FAM220A: variants seen among roughly 807,000 people sequenced by gnomAD.
The protein encoded by FAM220A is family with sequence similarity 220 member A, also known as protein FAM220A.
For missense variants in FAM220A, 392 were observed against 321.6 expected, an observed-to-expected ratio of 1.22 and a Z score of -1.68; for synonymous variants, 141 against 130.7, an observed-to-expected ratio of 1.08 and a Z score of -0.54.
intron 1 of FAM220A, among the ~76,000 whole-genome samples, chr7:6,345,390 T>C (rs1033988395): frequency 5.3e-5 from 8 of 152,006 alleles, no homozygotes; most frequent in Admixed American, 2.0e-4. Context: ...GCTGGGATTA[T>C]AGGCATGAGC....
At chr7:6,337,901 T>C (rs1310794895) in intron 1 of FAM220A, among the ~76,000 whole-genome samples, 1 of 151,544 alleles carries the variant, frequency 6.6e-6, no homozygotes, top group Non-Finnish European at 1.5e-5. Context: ...CCTCCCAGGT[T>C]CAAGCAATTC....
At chr7:6,348,454 G>GC (rs778979856) in intron 1 of FAM220A, 119 bp downstream of exon 1, 18 of 397,640 alleles carry the variant, frequency 4.5e-5, no homozygotes, top group Non-Finnish European at 7.5e-5. Flanking sequence ...ACGGGAAAAT[G>GC]CACGGTGCTT....
Position 6,334,429 on chromosome 7 carries a change from G to A in FAM220A, c.-81-3194C>T, listed in dbSNP as rs557288950. ...AGCATGCCTGTAGTCCCTGCTACTC[G>A]GGAGGGTGAGGCAGGAGAACAGCTT... On this transcript the variant is annotated intron_variant, in intron 1 of 1. Coordinates refer to ENST00000313324, the MANE Select transcript of FAM220A (RefSeq NM_001037163.2). 1.1e-4 allele frequency among the ~76,000 whole-genome samples: 16 copies of A among 151,792 alleles called. No homozygotes were observed. The South Asian group carries it at 1.2e-3, about 12-fold the overall frequency.
At chr7:6,346,234 C>T (rs755269454) in intron 1 of FAM220A, among the ~76,000 whole-genome samples, 28 of 152,148 alleles carry the variant, frequency 1.8e-4, no homozygotes, top group Non-Finnish European at 3.5e-4. Flanking sequence ...GACACAGGAG[C>T]ACCCTTCACT....
At position 6,348,496 on chromosome 7, in the gene FAM220A, T is replaced by C. The variant is rs567200409; in HGVS notation, c.-82+77A>G. 92 of 410,238 alleles carry C rather than the reference T, an allele frequency of 2.2e-4. 1 individual carries two copies. The South Asian group carries it at 7.3e-3, about 32-fold the overall frequency. 25.4% of individuals were successfully genotyped at this position (410,238 alleles called of 1,614,324 possible). A position where few individuals can be genotyped will look rare whatever the true frequency, so the allele number is the denominator to read the frequency against. ...CACTCAGCTTCTAGGCAGTGGCAGC[T>C]GCCGTGGCGTCTGCATCCCGCGGGC... is the stretch of plus-strand genomic sequence containing the variant. On this transcript the variant is annotated intron_variant, in intron 1 of 1. Transcript: ENST00000313324.
intron 1 of FAM220A, among the ~76,000 whole-genome samples, chr7:6,333,844 T>TC (rs1781689563): frequency 6.8e-6 from 1 of 146,548 alleles, no homozygotes; most frequent in African/African-American, 2.5e-5. Context: ...TGGCCTCTTT[T>TC]TTTTTTTTTT....
chr7:6,334,046 C>T (rs1306423154), intron 1 of FAM220A, among the ~76,000 whole-genome samples: 1 of 150,884 alleles, frequency 6.6e-6, no homozygotes, highest in African/African-American at 2.4e-5. Context: ...TGGGGTTTCA[C>T]CATGTTAGCC....
intron 1 of FAM220A, among the ~76,000 whole-genome samples, chr7:6,340,408 G>C (rs1366666183): frequency 2.6e-5 from 4 of 152,176 alleles, no homozygotes; most frequent in Non-Finnish European, 5.9e-5. Flanking sequence ...TGTGTGTACA[G>C]ACACAGCCCC....
rs756102302 is a variant in FAM220A at position 6,330,512 on chromosome 7, G to C, written c.643C>G (p.Arg215Gly). The C allele has an allele frequency of 1.4e-5, 22 of 1,613,986 alleles. 1 individual carries two copies. In the African/African-American group the frequency reaches 2.1e-4, roughly 16 times the overall value. ...TGCTTTGAAAACATGGGCTTTAAAC[G>C]GTCAAGGAAAATGCGTTTTGTCTCC... ...SEETKRIFLDRLKPMFSKQTI... is the reference protein window; with the variant it reads ...SEETKRIFLDGLKPMFSKQTI... The change falls in exon 2 of 2, where the codon CGT becomes GGT. Residue 215 changes from arginine to glycine, a missense_variant. By Grantham distance (125) the Arg-to-Gly change is moderately radical. Coordinates refer to ENST00000313324, the MANE Select transcript of FAM220A (RefSeq NM_001037163.2).
Position 6,330,413 on chromosome 7 carries a change from G to A in FAM220A, c.742C>T (p.Gln248Ter). Residue 248 changes from glutamine (Q) to a stop codon, truncating the protein, a stop_gained, in exon 2 of 2, where the codon CAA becomes TAA. Coordinates refer to ENST00000313324, the MANE Select transcript of FAM220A (RefSeq NM_001037163.2). LOFTEE classifies it low-confidence loss of function (END_TRUNC). Reference protein sequence around the residue: ...LQITLGLLALQPFELANTLCH... With the variant: ...LQITLGLLAL ...AATGTATTTGCTAATTCAAAAGGTTGCAGAGCCAGTAACCCCAGTGTTATC... is the reference window on the plus strand; with the variant it reads ...AATGTATTTGCTAATTCAAAAGGTTACAGAGCCAGTAACCCCAGTGTTATC... 1 of 1,613,946 alleles carries A rather than the reference G, an allele frequency of 6.2e-7. No individual in the cohort carries two copies. Among genetic ancestry groups the A allele is most frequent in the Non-Finnish European group, 8.5e-7 (1 of 1,179,982 alleles).
At chr7:6,342,218 T>C (rs1249592727) in intron 1 of FAM220A, among the ~76,000 whole-genome samples, 1 of 152,034 alleles carries the variant, frequency 6.6e-6, no homozygotes, top group Non-Finnish European at 1.5e-5. Context: ...GTTTCTTACT[T>C]TCTCTTTCTC....
chr7:6,348,411 C>A (rs1037613199), intron 1 of FAM220A, among the ~76,000 whole-genome samples, 162 bp downstream of exon 1: 3 of 152,168 alleles, frequency 2.0e-5, no homozygotes, highest in Non-Finnish European at 4.4e-5. Context: ...GGGATAAGGA[C>A]CACCTCAGTG....
chr7:6,340,249 C>G (rs1477356651), intron 1 of FAM220A, among the ~76,000 whole-genome samples: 1 of 152,158 alleles, frequency 6.6e-6, no homozygotes, highest in Non-Finnish European at 1.5e-5. Context: ...GACTACTCTT[C>G]TCTGACTAGC....
chr7:6,334,718 G>A (rs377156407), intron 1 of FAM220A, among the ~76,000 whole-genome samples: 11 of 152,144 alleles, frequency 7.2e-5, no homozygotes, highest in African/African-American at 2.4e-4. Flanking sequence ...CACCTGCCTT[G>A]GCCTCCCAAA....
chr7:6,348,739 C>A lies in FAM220A; in HGVS notation c.-248G>T. On this transcript the variant is annotated 5_prime_UTR_variant, in exon 1 of 2. Coordinates refer to ENST00000313324, the MANE Select transcript of FAM220A (RefSeq NM_001037163.2). ...CGAGCGCGAGAGCCGGACAGCCAGG[C>A]CCGACAGAGCCGCCGCCATATAGAG... The A allele has an allele frequency of 2.4e-6, 1 of 411,244 alleles. No homozygotes were observed. Among genetic ancestry groups the A allele is most frequent in the Non-Finnish European group, 4.3e-6 (1 of 232,394 alleles). The allele number at this position is 411,244 out of a possible 1,614,324, so 25.5% of individuals were successfully genotyped here.
At chr7:6,332,842 T>C (rs1668227679) in intron 1 of FAM220A, among the ~76,000 whole-genome samples, 1 of 152,068 alleles carries the variant, frequency 6.6e-6, no homozygotes, top group Non-Finnish European at 1.5e-5. Flanking sequence ...TAATGCTAAA[T>C]GGATGTATAA....
chr7:6,339,514 C>T (rs1052580085), intron 1 of FAM220A, among the ~76,000 whole-genome samples: 1 of 151,504 alleles, frequency 6.6e-6, no homozygotes, highest in Non-Finnish European at 1.5e-5. Flanking sequence ...GACGGAGTCT[C>T]GCTCTGTCGC....
rs1442058101 is a variant in FAM220A at position 6,330,336 on chromosome 7, C to G, written c.*39G>C. On this transcript the variant is annotated 3_prime_UTR_variant, in exon 2 of 2. Transcript: ENST00000313324. ...TGCGAAAGAAATCATTCTAAGACAA[C>G]TCTTAAAATTAATCTATTGGTATTG... 1.3e-6 allele frequency: 2 copies of G among 1,542,980 alleles called. No individual in the cohort carries two copies. Among genetic ancestry groups the G allele is most frequent in the Non-Finnish European group, 8.8e-7 (1 of 1,136,202 alleles).
At chr7:6,347,826 G>C (rs1054694714) in intron 1 of FAM220A, among the ~76,000 whole-genome samples, 1 of 151,134 alleles carries the variant, frequency 6.6e-6, no homozygotes, top group Non-Finnish European at 1.5e-5. Flanking sequence ...GGCCAAGATG[G>C]GAGGATCTCT....
Sources: allele counts gnomAD v4.1 joint callset (sites outside exome capture counted in the v4.1 genomes callset), GRCh38; gene constraint gnomAD v4.1.1; transcripts MANE v1.5; gene names NCBI Gene and HGNC (gene_info 2026-07-23, HGNC 2026-07-21).